The following LRRC7 variants were observed in gnomAD, a reference collection of about 807,000 sequenced individuals.
LRRC7 encodes the protein leucine-rich repeat-containing protein 7.
A neutral mutation model predicts 175.7 loss-of-function variants in LRRC7; 23 were observed. The ratio of observed to expected loss-of-function variants is 0.13; its 90% CI spans 0.09 to 0.19. The LOEUF (loss-of-function observed/expected upper bound fraction) is 0.19. Among genes scored for constraint, LRRC7 ranks in the 10% least tolerant of loss-of-function variants. The pLI is 1.00. For synonymous variants in LRRC7, 685 were observed against 680.9 expected, an observed-to-expected ratio of 1.01 and a Z score of -0.09; for missense variants, 1,354 against 1,904.7, an observed-to-expected ratio of 0.71 and a Z score of 5.38.
At chr1:70,028,817 C>T (rs988979233) in intron 18 of LRRC7, among the ~76,000 whole-genome samples, 5 of 151,862 alleles carry the variant, frequency 3.3e-5, no homozygotes, top group Non-Finnish European at 5.9e-5. Flanking sequence ...TAGGAAACAC[C>T]GATTAACAAT....
intron 7 of LRRC7, among the ~76,000 whole-genome samples, chr1:69,899,317 CAG>C (rs1445398296): frequency 6.6e-6 from 1 of 152,102 alleles, no homozygotes; most frequent in African/African-American, 2.4e-5. Flanking sequence ...TGGTTGTAAC[CAG>C]ACCAGCTACC....
chr1:69,919,282 A>G, intron 7 of LRRC7: 1 of 509,378 alleles, frequency 2.0e-6, no homozygotes, highest in Non-Finnish European at 3.5e-6. Context: ...TGTATTTGCT[A>G]GATACATTAG....
intron 23 of LRRC7, among the ~76,000 whole-genome samples, chr1:70,062,532 A>C (rs1661661694): frequency 6.6e-6 from 1 of 152,082 alleles, no homozygotes; most frequent in African/African-American, 2.4e-5. Flanking sequence ...ACTGCAAATT[A>C]TTGATATAAG....
intron 18 of LRRC7, among the ~76,000 whole-genome samples, chr1:70,034,593 T>C (rs1659111056): frequency 6.6e-6 from 1 of 152,166 alleles, no homozygotes; most frequent in African/African-American, 2.4e-5. Context: ...TTTAAGTTCT[T>C]TGTGTGCTCA....
At chr1:69,947,039 C>T (rs1032012437) in intron 8 of LRRC7, among the ~76,000 whole-genome samples, 1 of 152,014 alleles carries the variant, frequency 6.6e-6, no homozygotes, top group Non-Finnish European at 1.5e-5. Flanking sequence ...GATCGCACCA[C>T]TGCACTCCAG....
intron 26 of LRRC7, among the ~76,000 whole-genome samples, chr1:70,112,942 A>ATC (rs1445038373): frequency 6.6e-6 from 1 of 152,108 alleles, no homozygotes; most frequent in Non-Finnish European, 1.5e-5. Context: ...CTCGTGTGTT[A>ATC]GAGTCATGAA....
At chr1:69,987,486 A>G (rs1654043879) in intron 10 of LRRC7, among the ~76,000 whole-genome samples, 1 of 152,200 alleles carries the variant, frequency 6.6e-6, no homozygotes, top group African/African-American at 2.4e-5. Flanking sequence ...TCAGTCTTCT[A>G]TTAGCAATGT....
At chr1:69,664,397 G>T (rs1417581368) in intron 1 of LRRC7, among the ~76,000 whole-genome samples, 1 of 152,114 alleles carries the variant, frequency 6.6e-6, no homozygotes, top group Non-Finnish European at 1.5e-5. Flanking sequence ...GTTCTCCATA[G>T]TGGTTGTACT....
At chr1:69,862,376 C>CT (rs1271691236) in intron 7 of LRRC7, among the ~76,000 whole-genome samples, 1 of 152,020 alleles carries the variant, frequency 6.6e-6, no homozygotes, top group South Asian at 2.1e-4. Flanking sequence ...GGAAATGAAA[C>CT]TTTTTATAAT....
rs1179390805 is a variant in LRRC7 at position 70,143,526 on chromosome 1, TTATGGA to T, written c.*21640_*21645del. 1 of 152,142 alleles carries T rather than the reference TTATGGA, an allele frequency of 6.6e-6. No homozygotes were observed. The highest frequency in any genetic ancestry group is 1.9e-4 in the East Asian group (1 of 5,196). 9.4% of individuals were successfully genotyped at this position (152,142 alleles called of 1,614,324 possible). ...TATTGACACTACCCTTGTAAAGCTT[TTATGGA>T]AGAACCAACAAGCCACAGCAGTATA... On this transcript the variant is annotated 3_prime_UTR_variant, in exon 27 of 27. Transcript: ENST00000651989.
At chr1:69,647,187 A>G (rs1353664538) in intron 1 of LRRC7, among the ~76,000 whole-genome samples, 1 of 152,116 alleles carries the variant, frequency 6.6e-6, no homozygotes, top group Non-Finnish European at 1.5e-5. Context: ...TGGGCAGAAA[A>G]TTAGCCAAAA....
At chr1:69,922,774 C>T (rs898627249) in intron 7 of LRRC7, among the ~76,000 whole-genome samples, 2 of 151,750 alleles carry the variant, frequency 1.3e-5, no homozygotes, top group Admixed American at 6.6e-5. Context: ...GCATCCACCT[C>T]GAAATACTAT....
chr1:70,076,396 T>A (rs1662780285), intron 24 of LRRC7, 98 bp downstream of exon 24: 1 of 1,039,766 alleles, frequency 9.6e-7, no homozygotes, highest in Non-Finnish European at 1.4e-6. Flanking sequence ...CAGGACACAA[T>A]GCCATCACCA....
intron 8 of LRRC7, among the ~76,000 whole-genome samples, chr1:69,934,502 G>C (rs1312607400): frequency 1.2e-4 from 7 of 58,062 alleles, no homozygotes; most frequent in East Asian, 1.3e-3. Context: ...GGCGGGGGGG[G>C]GGCGGGGGGT....
chr1:70,101,914 G>A (rs1296492578), intron 25 of LRRC7, among the ~76,000 whole-genome samples: 3 of 152,204 alleles, frequency 2.0e-5, no homozygotes, highest in Non-Finnish European at 4.4e-5. Flanking sequence ...CTGAATGCTG[G>A]TGTCTGAGAA....
At chr1:69,699,924 G>C (rs1663126109) in intron 2 of LRRC7, among the ~76,000 whole-genome samples, 1 of 152,188 alleles carries the variant, frequency 6.6e-6, no homozygotes, top group Non-Finnish European at 1.5e-5. Flanking sequence ...ATTTCCAGCT[G>C]GCTGAGGGGT....
At chr1:69,614,231 G>A (rs1313998650) in intron 1 of LRRC7, among the ~76,000 whole-genome samples, 1 of 151,696 alleles carries the variant, frequency 6.6e-6, no homozygotes, top group East Asian at 2.0e-4. Context: ...AATCACCTTT[G>A]TGCTCGAAGT....
intron 7 of LRRC7, among the ~76,000 whole-genome samples, chr1:69,865,639 C>G (rs1472207994): frequency 6.6e-6 from 1 of 151,550 alleles, no homozygotes; most frequent in Non-Finnish European, 1.5e-5. Context: ...CGCCACCATG[C>G]CCAACTAATT....
chr1:70,039,518 C>G lies in LRRC7; in HGVS notation c.3694C>G (p.Leu1232Val). 6.2e-7 allele frequency: 1 copy of G among 1,614,114 alleles called. No homozygotes were observed. Residue 1232 changes from leucine (L) to valine (V), a missense_variant, in exon 21 of 27, where the codon CTT (leucine) becomes GTT (valine). Around this residue, in one of 4 missense-constraint regions of LRRC7, gnomAD observed 1,032 missense variants for 1,227.2 expected, o/e 0.84. Coordinates refer to ENST00000651989, the MANE Select transcript of LRRC7 (RefSeq NM_001370785.2). Reference protein sequence around the residue: ...AQAGSFPVKNLTQRRPLSARS... With the variant: ...AQAGSFPVKNVTQRRPLSARS... Reference sequence around the variant, plus strand: ...GGCGGGAAGTTTTCCGGTTAAAAACCTTACCCAAAGGAGGCCATTGTCTGC... The same window carrying G: ...GGCGGGAAGTTTTCCGGTTAAAAACGTTACCCAAAGGAGGCCATTGTCTGC...
Sources: gnomAD v4.1 joint callset for allele counts (sites outside exome capture counted in the v4.1 genomes callset) on GRCh38, gnomAD v4.1.1 for gene constraint, gnomAD v4.1.1 regional missense constraint, MANE v1.5 for transcripts, NCBI Gene and HGNC (gene_info 2026-07-23, HGNC 2026-07-21) for gene names.